CEP85: variants seen among roughly 807,000 people sequenced by gnomAD.
CEP85 encodes centrosomal protein of 85 kDa.
Under a neutral mutation model 93.7 loss-of-function variants are expected in CEP85, and 58 were observed. The ratio of observed to expected loss-of-function variants is 0.62; its 90% CI spans 0.50 to 0.77. CEP85 has a LOEUF of 0.77. Ranked by LOEUF, CEP85 falls within the 30% of genes least tolerant of loss-of-function variation. CEP85 has a pLI of 0.00. For synonymous variants in CEP85, 314 were observed against 338.6 expected, an observed-to-expected ratio of 0.93 and a Z score of 0.80; for missense variants, 868 against 922.0, an observed-to-expected ratio of 0.94 and a Z score of 0.76.
At chr1:26,276,195 A>G (rs1461655269) in intron 12 of CEP85, among the ~76,000 whole-genome samples, 1 of 152,222 alleles carries the variant, frequency 6.6e-6, no homozygotes, top group Admixed American at 6.5e-5. Flanking sequence ...AGCCTGGCTA[A>G]CAGAGTTGGC....
rs530825873 is a variant in CEP85 at position 26,275,128 on chromosome 1, T to C, written c.1902+57T>C. 43 of 1,317,288 alleles carry C rather than the reference T, an allele frequency of 3.3e-5. No individual in the cohort carries two copies. The Admixed American group carries it at 5.2e-4, about 16-fold the overall frequency. 81.6% of individuals were successfully genotyped at this position (1,317,288 alleles called of 1,614,324 possible). The stretch of plus-strand genomic sequence containing the variant: ...GCCTCCACAAACCCGATTTCTTTGT[T>C]TGCCCTCCCCATCTCTACCCCAATA... On this transcript the variant is annotated intron_variant, in intron 12 of 13. Transcript: ENST00000451429.
Position 26,257,683 on chromosome 1 carries a change from G to T in CEP85, c.990G>T (p.Leu330Phe). Residue 330 changes from leucine to phenylalanine, a missense_variant, in exon 5 of 14, where the codon TTG becomes TTT. Leu to Phe is a conservative substitution (Grantham distance 22). Transcript: ENST00000451429. ...ILEPAQWISI[L>F]NSNEHLLKEK... ...AGCCAGCACAGTGGATCAGCATCTT[G>T]AACAGTAATGAACACCTTCTGAAGG... 1 of 1,614,126 alleles carries T rather than the reference G, an allele frequency of 6.2e-7. No homozygotes were observed. The highest frequency in any genetic ancestry group is 8.5e-7 in the Non-Finnish European group (1 of 1,180,008).
At chr1:26,262,559 A>T (rs925390868) in intron 7 of CEP85, among the ~76,000 whole-genome samples, 5 of 152,284 alleles carry the variant, frequency 3.3e-5, no homozygotes, top group African/African-American at 1.2e-4. Context: ...CTCGCTGACA[A>T]AGAAATGACA....
At chr1:26,273,044 G>A (rs143520397) in intron 11 of CEP85, among the ~76,000 whole-genome samples, 168 of 152,252 alleles carry the variant, frequency 1.1e-3, no homozygotes, top group African/African-American at 3.5e-3. Context: ...AGAAATTCTC[G>A]TGAGAGGTGA....
At chr1:26,268,685 A>G (rs1241721109) in intron 8 of CEP85, 50 bp downstream of exon 8, 1 of 1,534,610 alleles carries the variant, frequency 6.5e-7, no homozygotes, top group Admixed American at 2.2e-5. Context: ...GTGGCCAGGC[A>G]GGGGAACTTT....
At chr1:26,239,183 CTG>C (rs2089380336) in intron 1 of CEP85, among the ~76,000 whole-genome samples, 3 of 152,072 alleles carry the variant, frequency 2.0e-5, no homozygotes. Flanking sequence ...CGTATGGAAT[CTG>C]TATTGGTAAT....
At chr1:26,253,863 G>A (rs1192505154) in intron 3 of CEP85, among the ~76,000 whole-genome samples, 2 of 151,776 alleles carry the variant, frequency 1.3e-5, no homozygotes, top group South Asian at 2.1e-4. Flanking sequence ...GCAACATGGC[G>A]AAACCCCATC....
intron 1 of CEP85, among the ~76,000 whole-genome samples, chr1:26,238,135 G>T (rs964513753): frequency 1.0e-4 from 15 of 148,232 alleles, no homozygotes; most frequent in South Asian, 8.6e-4. Context: ...GTACATTAGA[G>T]AAATAGTACC....
Position 26,255,298 on chromosome 1 carries a change from A to G in CEP85, c.336A>G (p.Gly112=). ...SPAKPNSTPV[G]PSSSKLPLSG... The stretch of plus-strand genomic sequence containing the variant: ...CCAAGCCAAATTCTACACCTGTTGG[A>G]CCCTCTTCCTCTAAACTCCCTTTGT... Residue 112 remains glycine, a synonymous_variant, in exon 4 of 14, where the codon GGA becomes GGG. Coordinates refer to ENST00000451429, the MANE Select transcript of CEP85 (RefSeq NM_001319944.2). 1 of 1,613,842 alleles carries G rather than the reference A, an allele frequency of 6.2e-7. No homozygotes were observed. The highest frequency in any genetic ancestry group is 8.5e-7 in the Non-Finnish European group (1 of 1,179,978).
intron 3 of CEP85, among the ~76,000 whole-genome samples, chr1:26,249,879 T>G (rs908877697): frequency 6.6e-6 from 1 of 152,156 alleles, no homozygotes; most frequent in Admixed American, 6.5e-5. Flanking sequence ...CATTGTATTT[T>G]TTAAAGAGAT....
chr1:26,252,327 G>A (rs1479079832), intron 3 of CEP85, among the ~76,000 whole-genome samples: 2 of 151,916 alleles, frequency 1.3e-5, no homozygotes, highest in Non-Finnish European at 2.9e-5. Flanking sequence ...GAGGTTGGGA[G>A]TTCAAGACCA....
intron 3 of CEP85, among the ~76,000 whole-genome samples, chr1:26,250,255 G>A (rs2089585050): frequency 6.6e-6 from 1 of 152,230 alleles, no homozygotes; most frequent in South Asian, 2.1e-4. Context: ...CAGCAGGCGA[G>A]CAAGCATTAC....
intron 7 of CEP85, among the ~76,000 whole-genome samples, chr1:26,262,500 C>CA (rs2089826551): frequency 6.6e-6 from 1 of 150,510 alleles, no homozygotes; most frequent in Non-Finnish European, 1.5e-5. Flanking sequence ...CAAAACAAAA[C>CA]AAAAAAAGGC....
intron 11 of CEP85, among the ~76,000 whole-genome samples, chr1:26,274,673 G>A (rs921548599): frequency 1.2e-4 from 18 of 152,292 alleles, no homozygotes; most frequent in Admixed American, 1.0e-3. Flanking sequence ...CATCGTGACG[G>A]TGTAGAGGCT....
At chr1:26,241,131 C>T (rs1370785499) in intron 2 of CEP85, among the ~76,000 whole-genome samples, 3 of 151,872 alleles carry the variant, frequency 2.0e-5, no homozygotes, top group South Asian at 2.1e-4. Flanking sequence ...CAGTGCCTTA[C>T]TCAGCGTAGA....
At chr1:26,269,030 C>T (rs1024745364) in intron 8 of CEP85, among the ~76,000 whole-genome samples, 2 of 152,178 alleles carry the variant, frequency 1.3e-5, no homozygotes, top group Non-Finnish European at 1.5e-5. Flanking sequence ...TGACTCATCC[C>T]GGTCACCTGC....
chr1:26,274,209 CTAGAT>C (rs2090020880), intron 11 of CEP85, among the ~76,000 whole-genome samples: 1 of 152,076 alleles, frequency 6.6e-6, no homozygotes, highest in Non-Finnish European at 1.5e-5. Flanking sequence ...ACACAACTCA[CTAGAT>C]TAGGTACCTG....
rs1207224803 is a variant in CEP85, at chr1:26,277,594, G to C, written c.*301G>C. ...CTAGGCTGACATGAGAGACGAACAG[G>C]CTGTCCACCTTTCTTCTCCATCCAA... On this transcript the variant is annotated 3_prime_UTR_variant, in exon 14 of 14. Transcript: ENST00000451429. 4.0e-6 allele frequency: 1 copy of C among 251,778 alleles called. No homozygotes were observed. The highest frequency in any genetic ancestry group is 8.0e-6 in the Non-Finnish European group (1 of 125,130). 15.6% of individuals were successfully genotyped at this position (251,778 alleles called of 1,614,324 possible).
rs775180542 is a variant in CEP85 at position 26,269,467 on chromosome 1, A to G, written c.1502A>G (p.Asp501Gly). 1.9e-6 allele frequency: 3 copies of G among 1,613,946 alleles called. No homozygotes were observed. The highest frequency in any genetic ancestry group is 2.7e-5 in the African/African-American group (2 of 74,940). Residue 501 changes from aspartate to glycine, a missense_variant, in exon 9 of 14, where the codon GAT (aspartate) becomes GGT (glycine). Physicochemically the swap from Asp to Gly is moderately conservative, Grantham distance 94 (BLOSUM62 -1). Transcript: ENST00000451429. ...DHQKQSQQLKDSELKSTELQE... is the reference protein window; with the variant it reads ...DHQKQSQQLKGSELKSTELQE... ...TGGGATCCTGTCTCTCAGCTTAAGG[A>G]TTCTGAGTTGAAGAGCACAGAGCTG...
Sources: allele counts gnomAD v4.1 joint callset (sites outside exome capture counted in the v4.1 genomes callset), GRCh38; gene constraint gnomAD v4.1.1; transcripts MANE v1.5; gene names NCBI Gene and HGNC (gene_info 2026-07-23, HGNC 2026-07-21).